SIL1: variants seen among roughly 807,000 people sequenced by gnomAD.
SIL1 encodes the protein SIL1 nucleotide exchange factor, also known as nucleotide exchange factor SIL1.
A neutral mutation model predicts 49.1 loss-of-function variants in SIL1; 40 were observed. The observed-to-expected ratio is 0.81, with a 90% CI of 0.63 to 1.06. The LOEUF is 1.06. SIL1 is among the 50% of genes least tolerant of loss of function. SIL1 has a pLI of 0.00. For synonymous variants in SIL1, 253 were observed against 250.8 expected (o/e 1.01, Z -0.08); for missense variants, 500 against 572.6 (o/e 0.87, Z 1.29).
At chr5:139,056,742 G>A (rs867364454) in intron 3 of SIL1, among the ~76,000 whole-genome samples, 4 of 151,264 alleles carry the variant, frequency 2.6e-5, no homozygotes, top group Admixed American at 6.6e-5. Context: ...GGGAGGTGAG[G>A]GGCGCCTCTG....
At chr5:139,057,127 G>C (rs1275150923) in intron 3 of SIL1, among the ~76,000 whole-genome samples, 18 of 151,098 alleles carry the variant, frequency 1.2e-4, no homozygotes, top group African/African-American at 2.9e-4. Context: ...CAGCATGCTC[G>C]TTAAGAGTCA....
chr5:138,981,818 T>C (rs1342122303), intron 7 of SIL1, among the ~76,000 whole-genome samples: 5 of 151,664 alleles, frequency 3.3e-5, no homozygotes, highest in African/African-American at 1.2e-4. Flanking sequence ...TCGCGTGCTC[T>C]CAATCTCTCT....
At chr5:139,090,177 T>C (rs1315557141) in intron 3 of SIL1, among the ~76,000 whole-genome samples, 1 of 152,154 alleles carries the variant, frequency 6.6e-6, no homozygotes, top group Admixed American at 6.5e-5. Flanking sequence ...CCTCCTGAGA[T>C]TTCTTGGCAG....
intron 3 of SIL1, among the ~76,000 whole-genome samples, chr5:139,116,900 T>C (rs1049328623): frequency 6.6e-6 from 1 of 152,270 alleles, no homozygotes; most frequent in South Asian, 2.1e-4. Flanking sequence ...CTCTGCGAAG[T>C]AGGTATTATA....
chr5:139,170,066 G>A (rs1456522174), intron 1 of SIL1, among the ~76,000 whole-genome samples: 1 of 152,322 alleles, frequency 6.6e-6, no homozygotes, highest in East Asian at 1.9e-4. Context: ...ACGGGGTTTC[G>A]CTGTGTTGGC....
chr5:139,190,717 A>G (rs1163985901), intron 1 of SIL1, among the ~76,000 whole-genome samples: 1 of 152,216 alleles, frequency 6.6e-6, no homozygotes, highest in Non-Finnish European at 1.5e-5. Flanking sequence ...TTGGGCAGTA[A>G]CAGAACTAGA....
intron 1 of SIL1, among the ~76,000 whole-genome samples, chr5:139,173,697 A>G (rs1219909005): frequency 1.3e-5 from 2 of 151,546 alleles, no homozygotes; most frequent in Non-Finnish European, 2.9e-5. Context: ...CTGTAATCCC[A>G]GCACCTTGGG....
intron 7 of SIL1, among the ~76,000 whole-genome samples, chr5:138,970,704 G>A (rs1767250002): frequency 6.6e-6 from 1 of 152,024 alleles, no homozygotes; most frequent in Non-Finnish European, 1.5e-5. Flanking sequence ...AGAATTCCAG[G>A]GAAGATCCTG....
intron 7 of SIL1, among the ~76,000 whole-genome samples, chr5:138,957,733 A>G (rs1766932392): frequency 6.6e-6 from 1 of 152,148 alleles, no homozygotes; most frequent in Admixed American, 6.5e-5. Flanking sequence ...TTTGAGAGTA[A>G]TTGAAGATAT....
At chr5:139,096,088 C>A (rs1006812680) in intron 3 of SIL1, among the ~76,000 whole-genome samples, 3 of 152,150 alleles carry the variant, frequency 2.0e-5, no homozygotes, top group Non-Finnish European at 1.5e-5. Flanking sequence ...CCCACCCCCC[C>A]AACAGTGGCA....
intron 7 of SIL1, among the ~76,000 whole-genome samples, chr5:138,970,913 C>CAA (rs200118284): frequency 1.5e-5 from 2 of 132,352 alleles, no homozygotes; most frequent in African/African-American, 2.8e-5. Flanking sequence ...GAGCAAAACT[C>CAA]AAAAAAAAAA....
At chr5:139,109,103 CTT>C (rs749428761) in intron 3 of SIL1, among the ~76,000 whole-genome samples, 17 of 152,204 alleles carry the variant, frequency 1.1e-4, no homozygotes, top group Non-Finnish European at 1.8e-4. Context: ...AAATGAAACA[CTT>C]TATCTGGGTG....
At chr5:139,030,455 C>T (rs985576585) in intron 5 of SIL1, among the ~76,000 whole-genome samples, 3 of 151,156 alleles carry the variant, frequency 2.0e-5, no homozygotes, top group Non-Finnish European at 4.4e-5. Flanking sequence ...CCCGTGTGGG[C>T]GACAGAGCAA....
At chr5:139,129,578 C>T (rs1247532261) in intron 1 of SIL1, among the ~76,000 whole-genome samples, 3 of 152,128 alleles carry the variant, frequency 2.0e-5, no homozygotes, top group Admixed American at 6.5e-5. Flanking sequence ...AGACTGAAGC[C>T]GGAGTATGGC....
intron 6 of SIL1, 70 bp downstream of exon 6, chr5:139,026,731 G>A: frequency 7.3e-7 from 1 of 1,377,798 alleles, no homozygotes; most frequent in Non-Finnish European, 1.0e-6. Context: ...TATTTTCTTA[G>A]GGCTTAGGGA....
intron 7 of SIL1, chr5:139,013,819 A>G (rs1318628090): frequency 6.6e-6 from 1 of 152,230 alleles, no homozygotes; most frequent in Non-Finnish European, 1.5e-5. Flanking sequence ...GTTAATTACA[A>G]AAATAATACA....
At chr5:138,994,808 T>G (rs1047994280) in intron 7 of SIL1, among the ~76,000 whole-genome samples, 6 of 152,218 alleles carry the variant, frequency 3.9e-5, no homozygotes, top group African/African-American at 1.4e-4. Flanking sequence ...ACCTAGGTAT[T>G]AAGCCCTGCA....
chr5:139,191,387 A>C (rs1044420267), intron 1 of SIL1, among the ~76,000 whole-genome samples: 3 of 152,136 alleles, frequency 2.0e-5, no homozygotes, highest in African/African-American at 7.2e-5. Flanking sequence ...ACTGGGCTGA[A>C]GCCTGCTAGT....
chr5:139,074,645 A>C (rs888868983), intron 3 of SIL1, among the ~76,000 whole-genome samples: 1 of 152,116 alleles, frequency 6.6e-6, no homozygotes, highest in Non-Finnish European at 1.5e-5. Context: ...TCTGACCCTC[A>C]AGGATCGCAC....
Sources: gnomAD v4.1 joint callset for allele counts (sites outside exome capture counted in the v4.1 genomes callset) on GRCh38, gnomAD v4.1.1 for gene constraint, MANE v1.5 for transcripts, NCBI Gene and HGNC (gene_info 2026-07-23, HGNC 2026-07-21) for gene names.